ADAMTSL1: variants seen among roughly 807,000 people sequenced by gnomAD.
ADAMTSL1 encodes the protein ADAMTS like 1, also known as ADAMTS-like protein 1.
In ADAMTSL1, 126 loss-of-function variants were observed where a neutral mutation model predicts 201.8. The observed-to-expected ratio is 0.62, with a 90% CI of 0.54 to 0.72. The LOEUF is 0.72. ADAMTSL1 is among the 30% of genes least tolerant of loss of function. The pLI is 0.00. For synonymous variants in ADAMTSL1, 1,121 were observed against 903.4 expected (o/e 1.24, Z -4.32); for missense variants, 2,679 against 2,277.8 (o/e 1.18, Z -3.59).
chr9:18,594,666 T>A (rs537545277), intron 4 of ADAMTSL1, among the ~76,000 whole-genome samples: 1 of 152,346 alleles, frequency 6.6e-6, no homozygotes, highest in East Asian at 1.9e-4. Context: ...TTTTTAAAAA[T>A]TATTTTAATT....
chr9:18,606,826 C>T (rs1026894427), intron 4 of ADAMTSL1, among the ~76,000 whole-genome samples: 4 of 152,118 alleles, frequency 2.6e-5, no homozygotes, highest in Non-Finnish European at 5.9e-5. Flanking sequence ...GAGAACCATC[C>T]GCTGCTGCAG....
intron 1 of ADAMTSL1, among the ~76,000 whole-genome samples, chr9:18,032,132 T>G (rs929475171): frequency 2.6e-5 from 4 of 152,182 alleles, no homozygotes; most frequent in Admixed American, 2.0e-4. Context: ...ATGGTTTCCT[T>G]GGGCAGAAGC....
chr9:18,655,264 T>G (rs1259082446), intron 7 of ADAMTSL1, among the ~76,000 whole-genome samples: 2 of 152,186 alleles, frequency 1.3e-5, no homozygotes, highest in Non-Finnish European at 2.9e-5. Context: ...CCATACACAT[T>G]TCTATGGCCC....
In ADAMTSL1 at chr9:18,216,911, G is replaced by A. The variant is rs542331324; in HGVS notation, c.207+52930G>A. On this transcript the variant is annotated intron_variant, in intron 2 of 29. Transcript: ENST00000680146. ...GACTTTACCCCTTACCAGCTGTGTG[G>A]CCTAAACTTTTATTTGACTCAGTTT... Among the ~76,000 whole-genome samples the A allele has an allele frequency of 1.3e-3, 197 of 152,092 alleles. 2 individuals carry two copies. Among genetic ancestry groups the A allele is most frequent in the African/African-American group, 4.6e-3 (192 of 41,510 alleles).
intron 1 of ADAMTSL1, among the ~76,000 whole-genome samples, chr9:18,087,996 T>A (rs1198116544): frequency 3.9e-5 from 6 of 152,070 alleles, no homozygotes; most frequent in African/African-American, 1.4e-4. Context: ...CACTTCATGA[T>A]CTCAAGATAT....
chr9:18,756,346 A>G (rs1382425297), intron 16 of ADAMTSL1, among the ~76,000 whole-genome samples: 1 of 151,580 alleles, frequency 6.6e-6, no homozygotes, highest in Non-Finnish European at 1.5e-5. Context: ...TGGAGTAAAC[A>G]ATAAACTATT....
intron 23 of ADAMTSL1, among the ~76,000 whole-genome samples, chr9:18,856,087 T>C (rs1480942659): frequency 1.3e-5 from 2 of 152,202 alleles, no homozygotes; most frequent in African/African-American, 4.8e-5. Flanking sequence ...AACTGGTTCA[T>C]GATAGTTCGT....
chr9:17,919,665 T>C (rs1014133165), intron 1 of ADAMTSL1, among the ~76,000 whole-genome samples: 4 of 152,136 alleles, frequency 2.6e-5, no homozygotes, highest in African/African-American at 7.2e-5. Flanking sequence ...TTCCTTTCTA[T>C]GGCTGAGTAT....
At chr9:18,821,356 G>A (rs887332044) in intron 21 of ADAMTSL1, among the ~76,000 whole-genome samples, 1 of 152,160 alleles carries the variant, frequency 6.6e-6, no homozygotes, top group African/African-American at 2.4e-5. Flanking sequence ...CTGACATCTG[G>A]AACACATGCC....
chr9:18,341,021 G>T (rs1835444286), intron 2 of ADAMTSL1, among the ~76,000 whole-genome samples: 2 of 152,096 alleles, frequency 1.3e-5, no homozygotes, highest in African/African-American at 2.4e-5. Flanking sequence ...TCTCAAGTGG[G>T]TGATGACTAC....
chr9:18,447,751 G>C (rs954893599), intron 2 of ADAMTSL1, among the ~76,000 whole-genome samples: 1 of 152,110 alleles, frequency 6.6e-6, no homozygotes, highest in Admixed American at 6.6e-5. Context: ...ACCTTCCTCC[G>C]GAGAGTCTCA....
chr9:18,299,717 T>C (rs2132722370), intron 2 of ADAMTSL1, among the ~76,000 whole-genome samples: 1 of 152,282 alleles, frequency 6.6e-6, no homozygotes, highest in Middle Eastern at 3.4e-3. Flanking sequence ...CTCCAAGTGT[T>C]ACAGGGTTAC....
chr9:18,844,032 A>C lies in ADAMTSL1; in HGVS notation c.4249+14055A>C, dbSNP rs546871064. On this transcript the variant is annotated intron_variant, in intron 23 of 28. Coordinates refer to ENST00000380548, the MANE Select transcript of ADAMTSL1 (RefSeq NM_001040272.6). ...GATCGTCTGAAGACTTCTTCTCTCAACTTGTCAAAGTCATTCTCCGTCCAG... is the reference window on the plus strand; with the variant it reads ...GATCGTCTGAAGACTTCTTCTCTCACCTTGTCAAAGTCATTCTCCGTCCAG... Among the ~76,000 whole-genome samples the C allele has an allele frequency of 7.9e-5, 12 of 152,284 alleles. No individual in the cohort carries two copies. In the East Asian group the frequency reaches 1.7e-3, roughly 22 times the overall value.
At chr9:18,195,266 G>A (rs1381692984) in intron 2 of ADAMTSL1, among the ~76,000 whole-genome samples, 1 of 152,098 alleles carries the variant, frequency 6.6e-6, no homozygotes. Flanking sequence ...CTTTCTGTGG[G>A]AACAGACTAT....
In ADAMTSL1 at chr9:18,219,610, C is replaced by A. The variant is rs534314335; in HGVS notation, c.207+55629C>A. ...TCTCGAACTCCTGACCTCAGATGGT[C>A]TGCCCACCTTGGCCTGGGATTACAG... On this transcript the variant is annotated intron_variant, in intron 2 of 29. Transcript: ENST00000680146. Among the ~76,000 whole-genome samples the A allele has an allele frequency of 1.2e-4, 19 of 152,150 alleles. No individual in the cohort carries two copies. In the South Asian group the frequency reaches 3.7e-3, roughly 30 times the overall value.
intron 14 of ADAMTSL1, among the ~76,000 whole-genome samples, chr9:18,715,348 C>A (rs2133383388): frequency 6.6e-6 from 1 of 152,220 alleles, no homozygotes; most frequent in East Asian, 1.9e-4. Context: ...CCCATTGTCT[C>A]AGCCCAAAAT....
intron 3 of ADAMTSL1, among the ~76,000 whole-genome samples, chr9:18,563,272 G>C (rs1564051449): frequency 6.6e-6 from 1 of 152,174 alleles, no homozygotes; most frequent in Non-Finnish European, 1.5e-5. Flanking sequence ...AGGCTCCTCT[G>C]CTGCAGGTCT....
At chr9:17,982,122 CTT>C (rs1418612461) in intron 1 of ADAMTSL1, among the ~76,000 whole-genome samples, 1 of 152,210 alleles carries the variant, frequency 6.6e-6, no homozygotes, top group Non-Finnish European at 1.5e-5. Flanking sequence ...GTTCCTCTCT[CTT>C]GTTTTATAGT....
At chr9:18,563,464 G>A (rs10963634) in intron 3 of ADAMTSL1, among the ~76,000 whole-genome samples, 38,400 of 152,128 alleles carry the variant, frequency 0.25, 5,247 homozygotes, top group East Asian at 0.59. Flanking sequence ...GCTGGAAGGT[G>A]TCTCTCAGTC....
Sources: allele counts gnomAD v4.1 joint callset (sites outside exome capture counted in the v4.1 genomes callset), GRCh38; gene constraint gnomAD v4.1.1; transcripts MANE v1.5; gene names NCBI Gene and HGNC (gene_info 2026-07-23, HGNC 2026-07-21).